The following ZNF718 variants were observed in gnomAD, a reference collection of about 807,000 sequenced individuals.
ZNF718 encodes the protein zinc finger protein 718.
In ZNF718, 3 loss-of-function variants were observed where a neutral mutation model predicts 2.6. That is an observed-to-expected ratio of 1.16 (90% confidence interval 0.53 to 3.01). The LOEUF (loss-of-function observed/expected upper bound fraction) is 3.01. Among genes scored for constraint, ZNF718 ranks in the 30% most tolerant of loss-of-function variants. ZNF718 has a pLI of 0.03. For synonymous variants in ZNF718, 135 were observed against 77.9 expected, an observed-to-expected ratio of 1.73 and a Z score of -3.86; for missense variants, 468 against 230.0, an observed-to-expected ratio of 2.03 and a Z score of -6.69.
intron 3 of ZNF718, among the ~76,000 whole-genome samples, chr4:157,160 T>A: frequency 7.2e-6 from 1 of 138,936 alleles, no homozygotes; most frequent in East Asian, 2.2e-4. Context: ...TTGCCCACGC[T>A]GGAGTGCAAT....
intron 3 of ZNF718, among the ~76,000 whole-genome samples, chr4:184,654 G>A (rs1390938695): frequency 6.6e-6 from 1 of 151,758 alleles, no homozygotes; most frequent in Non-Finnish European, 1.5e-5. Flanking sequence ...GGCTTTTTTT[G>A]GTCAGTAGAC....
intron 3 of ZNF718, among the ~76,000 whole-genome samples, chr4:178,002 T>C (rs782374691): frequency 6.6e-6 from 1 of 152,084 alleles, no homozygotes; most frequent in Non-Finnish European, 1.5e-5. Context: ...AAGAATACCC[T>C]GAAACACCCC....
At chr4:181,266 C>A (rs1246625707) in intron 3 of ZNF718, among the ~76,000 whole-genome samples, 1 of 149,598 alleles carries the variant, frequency 6.7e-6, no homozygotes, top group Non-Finnish European at 1.5e-5. Flanking sequence ...TCAGCCTCTC[C>A]AAGAGCTAGG....
chr4:172,782 G>A (rs1717265465), intron 3 of ZNF718, among the ~76,000 whole-genome samples: 1 of 151,516 alleles, frequency 6.6e-6, no homozygotes, highest in South Asian at 2.1e-4. Flanking sequence ...CATGCCAGGT[G>A]TGGTGACTCT....
At chr4:168,644 T>G (rs1293151194), downstream of ZNF718, among the ~76,000 whole-genome samples, 1 of 152,046 alleles carries the variant, frequency 6.6e-6, no homozygotes, top group African/African-American at 2.4e-5. Flanking sequence ...TTGCGTAGAG[T>G]TGTTTATAGT....
chr4:136,893 G>C (rs1715595534), intron 3 of ZNF718, among the ~76,000 whole-genome samples: 1 of 152,132 alleles, frequency 6.6e-6, no homozygotes, highest in Non-Finnish European at 1.5e-5. Flanking sequence ...GATATAGTTT[G>C]GATCTGGGTC....
chr4:177,075 A>G (rs1717364894), intron 3 of ZNF718, among the ~76,000 whole-genome samples: 1 of 152,008 alleles, frequency 6.6e-6, no homozygotes, highest in Non-Finnish European at 1.5e-5. Context: ...CTCTGCTGTT[A>G]CCCTTATTTA....
intron 3 of ZNF718, among the ~76,000 whole-genome samples, chr4:173,487 C>T (rs1717281870): frequency 6.6e-6 from 1 of 152,166 alleles, no homozygotes; most frequent in Admixed American, 6.5e-5. Context: ...AGTCAGAGCT[C>T]TTAGTCCTGA....
chr4:156,423 G>A (rs1716569549), intron 3 of ZNF718, among the ~76,000 whole-genome samples: 1 of 152,054 alleles, frequency 6.6e-6, no homozygotes, highest in Non-Finnish European at 1.5e-5. Context: ...GAGCACTTTT[G>A]TGATTAGAAG....
chr4:125,380 G>GT (rs1329619834), intron 1 of ZNF718: 3 of 152,578 alleles, frequency 2.0e-5, no homozygotes, highest in African/African-American at 7.2e-5. Context: ...ATGAAGACGG[G>GT]TGTCCAGAGG....
intron 3 of ZNF718, among the ~76,000 whole-genome samples, chr4:173,940 T>C (rs1023116089): frequency 6.6e-6 from 1 of 152,214 alleles, no homozygotes. Flanking sequence ...TTACTACAGA[T>C]GTAATGACAA....
chr4:127,164 G>GAT (rs1715260167), intron 1 of ZNF718, among the ~76,000 whole-genome samples: 1 of 40,250 alleles, frequency 2.5e-5, no homozygotes, highest in Non-Finnish European at 6.0e-5. Flanking sequence ...GCACTGTTTA[G>GAT]AAGTACTGGA....
chr4:160,153 T>G (rs148815823), intron 3 of ZNF718, among the ~76,000 whole-genome samples: 2 of 152,218 alleles, frequency 1.3e-5, no homozygotes, highest in Admixed American at 1.3e-4. Flanking sequence ...CCCTGTATTA[T>G]TGGAGACAGA....
At chr4:191,519 C>G (rs1219612166) in intron 3 of ZNF718, among the ~76,000 whole-genome samples, 2 of 151,886 alleles carry the variant, frequency 1.3e-5, no homozygotes, top group African/African-American at 4.8e-5. Flanking sequence ...AATAGCCAAG[C>G]CACCTAACAT....
intron 3 of ZNF718, among the ~76,000 whole-genome samples, chr4:181,948 A>C (rs925868487): frequency 2.0e-5 from 3 of 152,122 alleles, no homozygotes; most frequent in Non-Finnish European, 4.4e-5. Context: ...AATTTGCTAA[A>C]AATAATGGCT....
chr4:192,665 G>A (rs1307543384), intron 3 of ZNF718, among the ~76,000 whole-genome samples: 1 of 152,154 alleles, frequency 6.6e-6, no homozygotes, highest in African/African-American at 2.4e-5. Context: ...CCTCGGGAGG[G>A]GTGCCTTCAA....
At chr4:141,393 G>A (rs1359587802) in intron 3 of ZNF718, among the ~76,000 whole-genome samples, 1 of 152,154 alleles carries the variant, frequency 6.6e-6, no homozygotes, top group Non-Finnish European at 1.5e-5. Flanking sequence ...TGTTAGTTTT[G>A]ATTAAAGTAA....
At chr4:195,623 G>C (rs550790787) in intron 3 of ZNF718, among the ~76,000 whole-genome samples, 1 of 151,886 alleles carries the variant, frequency 6.6e-6, no homozygotes, top group East Asian at 1.9e-4. Context: ...GAACTGGTGA[G>C]GTGTGCTCAC....
chr4:159,015 A>G (rs1553814302), intron 3 of ZNF718, among the ~76,000 whole-genome samples: 1 of 148,946 alleles, frequency 6.7e-6, no homozygotes, highest in East Asian at 1.9e-4. Context: ...AGTCCCACTT[A>G]GGAGCTATTC....
Sources: allele counts gnomAD v4.1 joint callset (sites outside exome capture counted in the v4.1 genomes callset), GRCh38; gene constraint gnomAD v4.1.1; transcripts MANE v1.5; gene names NCBI Gene and HGNC (gene_info 2026-07-23, HGNC 2026-07-21).